Variants in ANKRD62 observed in about 807,000 individuals in gnomAD.
The protein encoded by ANKRD62 is ankyrin repeat domain 62.
A neutral mutation model predicts 98.8 loss-of-function variants in ANKRD62; 61 were observed. The observed-to-expected ratio is 0.62, with a 90% CI of 0.50 to 0.76. The LOEUF (loss-of-function observed/expected upper bound fraction) is 0.76. ANKRD62 is among the 30% of genes least tolerant of loss of function. The probability of loss-of-function intolerance (pLI) is 0.00; values close to 1 mark genes in which losing one functional copy is unlikely to be tolerated. For synonymous variants in ANKRD62, 341 were observed against 367.9 expected (o/e 0.93, Z 0.84); for missense variants, 933 against 1,082.9 (o/e 0.86, Z 1.94).
chr18:12,166,817 T>A, the ANKRD62 span, among the ~76,000 whole-genome samples: 1 of 152,136 alleles, frequency 6.6e-6, no homozygotes, highest in South Asian at 2.1e-4. Context: ...GTTGGTTTGC[T>A]GCATCCATTA....
the ANKRD62 span, among the ~76,000 whole-genome samples, chr18:12,150,286 C>G: frequency 6.6e-6 from 1 of 152,168 alleles, no homozygotes; most frequent in Non-Finnish European, 1.5e-5. Flanking sequence ...AACAAAACCT[C>G]TGAAAAGTAT....
Position 12,119,971 on chromosome 18 carries a change from C to A in ANKRD62, c.1241-2332C>A, listed in dbSNP as rs73950323. On this transcript the variant is annotated intron_variant, in intron 10 of 13. Transcript: ENST00000587848. ...ACCAGGGTTATTTAGATGTGTGTTT[C>A]TTAGTTTTCATGTATTTGAGTATTT... 1.7e-3 allele frequency among the ~76,000 whole-genome samples: 254 copies of A among 151,866 alleles called. 2 individuals are homozygous for A. Among genetic ancestry groups the A allele is most frequent in the African/African-American group, 5.9e-3 (246 of 41,422 alleles).
In ANKRD62 at chr18:12,124,559, G is replaced by C. The variant is rs192177275; in HGVS notation, c.1638+239G>C. On this transcript the variant is annotated intron_variant, in intron 12 of 13. Coordinates refer to ENST00000587848, the MANE Select transcript of ANKRD62 (RefSeq NM_001277333.2). ...TAATATATATACTTAGTGATATTTT[G>C]TTGGTAAGTAATTTGTTCCTAGTGA... Among the ~76,000 whole-genome samples the C allele has an allele frequency of 2.4e-3, 362 of 152,196 alleles. 1 individual carries two copies. Among genetic ancestry groups the C allele is most frequent in the African/African-American group, 7.8e-3 (323 of 41,540 alleles).
At chr18:12,144,884 C>T in the ANKRD62 span, among the ~76,000 whole-genome samples, 1 of 125,330 alleles carries the variant, frequency 8.0e-6, no homozygotes, top group Non-Finnish European at 1.7e-5. Context: ...TGGCTCACCC[C>T]TGTAATCCCA....
At chr18:12,100,648 G>A (rs1482296431) in intron 6 of ANKRD62, among the ~76,000 whole-genome samples, 1 of 152,162 alleles carries the variant, frequency 6.6e-6, no homozygotes, top group East Asian at 1.9e-4. Context: ...TACCTACTGT[G>A]TAGAGAAGTC....
In ANKRD62 at chr18:12,096,226, A is replaced by G; in HGVS notation, c.538A>G (p.Asn180Asp). 6.5e-7 allele frequency: 1 copy of G among 1,535,730 alleles called. No homozygotes were observed. Among genetic ancestry groups the G allele is most frequent in the Non-Finnish European group, 8.7e-7 (1 of 1,145,870 alleles). Residue 180 changes from asparagine to aspartate, a missense_variant, in exon 4 of 14, where the codon AAT (asparagine) becomes GAT (aspartate). This residue lies in a region of ANKRD62 where 549 missense variants were observed against 587.9 expected (regional missense o/e 0.93). Transcript: ENST00000587848. Reference protein sequence around the residue: ...DGHTSLLLAVNRKKEQMVAFL... With the variant: ...DGHTSLLLAVDRKKEQMVAFL... ...ACATACATCACTTTTACTCGCTGTA[A>G]ATAGGAAAAAAGAGCAAATGGTGGC...
intron 7 of ANKRD62, among the ~76,000 whole-genome samples, chr18:12,104,924 C>T (rs1909381200): frequency 6.6e-6 from 1 of 152,096 alleles, no homozygotes; most frequent in South Asian, 2.1e-4. Flanking sequence ...AGACCAGACA[C>T]AGAACATGCT....
chr18:12,161,479 T>TC, the ANKRD62 span, among the ~76,000 whole-genome samples: 3 of 151,402 alleles, frequency 2.0e-5, no homozygotes, highest in African/African-American at 2.4e-5. Flanking sequence ...CAATGCATAA[T>TC]AGCATGGAGA....
chr18:12,096,076 A>G, intron 3 of ANKRD62, 120 bp from the exon 4 acceptor site: 1 of 702,132 alleles, frequency 1.4e-6, no homozygotes, highest in Middle Eastern at 3.8e-4. Flanking sequence ...GAAGGAAGGG[A>G]TTGCTTTTTA....
the ANKRD62 span, among the ~76,000 whole-genome samples, chr18:12,168,519 G>C: frequency 6.6e-6 from 1 of 152,172 alleles, no homozygotes; most frequent in Non-Finnish European, 1.5e-5. Context: ...CCATTACCAT[G>C]CTGTTCTGAT....
downstream of ANKRD62, among the ~76,000 whole-genome samples, chr18:12,132,921 A>G (rs964783026): frequency 6.6e-6 from 1 of 152,182 alleles, no homozygotes; most frequent in Non-Finnish European, 1.5e-5. Context: ...GGTGAAATAT[A>G]CATAACATAA....
At chr18:12,145,756 A>G in the ANKRD62 span, among the ~76,000 whole-genome samples, 2 of 151,720 alleles carry the variant, frequency 1.3e-5, no homozygotes, top group East Asian at 3.9e-4. Flanking sequence ...TGGCCTTCAG[A>G]GTGTGCAGAC....
chr18:12,132,310 C>T (rs1910017737), downstream of ANKRD62, among the ~76,000 whole-genome samples: 1 of 152,080 alleles, frequency 6.6e-6, no homozygotes, highest in Non-Finnish European at 1.5e-5. Context: ...GTGCCAGTAA[C>T]GTTGTAATTG....
In ANKRD62 at chr18:12,105,754, C is replaced by T. The variant is rs1232856765; in HGVS notation, c.892-1541C>T. Reference sequence around the variant, plus strand: ...AATGATAGGAGATCAGGAAAACATTCTATAATCTTCATTACTTGATCAACC... The same window carrying T: ...AATGATAGGAGATCAGGAAAACATTTTATAATCTTCATTACTTGATCAACC... On this transcript the variant is annotated intron_variant, in intron 7 of 13. Coordinates refer to ENST00000587848, the MANE Select transcript of ANKRD62 (RefSeq NM_001277333.2). 2.0e-5 allele frequency among the ~76,000 whole-genome samples: 3 copies of T among 152,078 alleles called. No homozygotes were observed. The East Asian group carries it at 5.8e-4, about 29-fold the overall frequency.
intron 7 of ANKRD62, among the ~76,000 whole-genome samples, chr18:12,103,980 G>T (rs1205601160): frequency 1.3e-5 from 2 of 151,842 alleles, no homozygotes; most frequent in Admixed American, 6.6e-5. Flanking sequence ...TTTTGATTGG[G>T]GTTGATTTTG....
At chr18:12,167,633 T>A in the ANKRD62 span, among the ~76,000 whole-genome samples, 2 of 152,198 alleles carry the variant, frequency 1.3e-5, no homozygotes, top group Non-Finnish European at 2.9e-5. Flanking sequence ...TGATTTATAA[T>A]CCTTTGCGTA....
At chr18:12,111,136 C>A (rs1432815792) in intron 8 of ANKRD62, among the ~76,000 whole-genome samples, 5 of 151,766 alleles carry the variant, frequency 3.3e-5, no homozygotes. Flanking sequence ...GTAGTCTCAG[C>A]TACTCAGGAG....
At chr18:12,101,377 A>G (rs1292964977) in intron 6 of ANKRD62, among the ~76,000 whole-genome samples, 2 of 152,226 alleles carry the variant, frequency 1.3e-5, no homozygotes, top group African/African-American at 4.8e-5. Context: ...TGATATGTCT[A>G]CAAGGGGAAC....
chr18:12,121,620 G>A (rs959334324), intron 10 of ANKRD62, among the ~76,000 whole-genome samples: 4 of 151,878 alleles, frequency 2.6e-5, no homozygotes, highest in Non-Finnish European at 4.4e-5. Flanking sequence ...GATTCTTAGC[G>A]TCACCACCCC....
Sources: gnomAD v4.1 joint callset for allele counts (sites outside exome capture counted in the v4.1 genomes callset) on GRCh38, gnomAD v4.1.1 for gene constraint, gnomAD v4.1.1 regional missense constraint, MANE v1.5 for transcripts, NCBI Gene and HGNC (gene_info 2026-07-23, HGNC 2026-07-21) for gene names.